CRYBG3: variants seen among roughly 807,000 people sequenced by gnomAD.
CRYBG3 encodes the protein very large A-kinase anchor protein.
Under a neutral mutation model 244.2 loss-of-function variants are expected in CRYBG3, and 127 were observed. The observed-to-expected ratio is 0.52, with a 90% confidence interval of 0.45 to 0.60. CRYBG3 has a LOEUF of 0.60. Ranked by LOEUF, CRYBG3 falls within the 20% of genes least tolerant of loss-of-function variation. CRYBG3 has a pLI of 0.00. For synonymous variants in CRYBG3, 1,132 were observed against 1,195.8 expected, an observed-to-expected ratio of 0.95 and a Z score of 1.10; for missense variants, 3,325 against 3,442.5, an observed-to-expected ratio of 0.97 and a Z score of 0.85.
At position 97,822,101 on chromosome 3, in the gene CRYBG3, C is replaced by A; in HGVS notation, c.-106C>A. 2.1e-6 allele frequency: 2 copies of A among 961,266 alleles called. No homozygotes were observed. The highest frequency in any genetic ancestry group is 2.8e-6 in the Non-Finnish European group (2 of 725,558). 59.5% of individuals were successfully genotyped at this position (961,266 alleles called of 1,614,324 possible). ...GCCGCGCTGGCAGCTCGCGTCGAGT[C>A]GGTCTGCCCTAGCCGCATCCCGCGG... On this transcript the variant is annotated 5_prime_UTR_variant, in exon 1 of 22. Transcript: ENST00000389622.
chr3:97,823,009 A>G (rs1302837744), intron 1 of CRYBG3, among the ~76,000 whole-genome samples: 1 of 152,190 alleles, frequency 6.6e-6, no homozygotes, highest in Non-Finnish European at 1.5e-5. Flanking sequence ...TCCTAGAAAC[A>G]TCTGCCTCAA....
intron 18 of CRYBG3, 152 bp from the exon 19 acceptor site, chr3:97,936,633 C>A: frequency 5.7e-6 from 4 of 697,308 alleles, no homozygotes; most frequent in Non-Finnish European, 9.1e-6. Context: ...TTCTCCTATA[C>A]CTCCCTGATT....
chr3:97,925,440 G>A (rs2040028957), intron 17 of CRYBG3, among the ~76,000 whole-genome samples: 2 of 152,024 alleles, frequency 1.3e-5, no homozygotes. Flanking sequence ...GAATAAGAAT[G>A]TCTGTTGCAG....
chr3:97,838,094 C>T (rs1335984838), intron 1 of CRYBG3, among the ~76,000 whole-genome samples: 1 of 152,120 alleles, frequency 6.6e-6, no homozygotes, highest in Non-Finnish European at 1.5e-5. Flanking sequence ...CCAGAAGCTT[C>T]CCTTGTGCTC....
chr3:97,923,691 G>T (rs940065715), intron 17 of CRYBG3, among the ~76,000 whole-genome samples: 8 of 152,100 alleles, frequency 5.3e-5, no homozygotes, highest in African/African-American at 1.9e-4. Flanking sequence ...TTTAAAAGTT[G>T]CAGAGTATAA....
chr3:97,832,726 A>G (rs1299275078), intron 1 of CRYBG3, among the ~76,000 whole-genome samples: 1 of 152,232 alleles, frequency 6.6e-6, no homozygotes, highest in Non-Finnish European at 1.5e-5. Flanking sequence ...AATGGGATCT[A>G]ATTAAACTAA....
At chr3:97,942,070 A>G (rs762169815) in intron 20 of CRYBG3, 14 of 354,176 alleles carry the variant, frequency 4.0e-5, no homozygotes, top group Non-Finnish European at 6.0e-5. Flanking sequence ...AAGTACCTCT[A>G]TTTCAGTTGG....
chr3:97,834,580 C>G (rs192774107), intron 1 of CRYBG3, among the ~76,000 whole-genome samples: 2 of 152,106 alleles, frequency 1.3e-5, no homozygotes, highest in Admixed American at 6.5e-5. Flanking sequence ...GATGTAAACT[C>G]TCTTGCCTTT....
chr3:97,871,778 G>T, intron 3 of CRYBG3, 64 bp from the exon 4 acceptor site: 1 of 1,166,650 alleles, frequency 8.6e-7, no homozygotes, highest in East Asian at 2.7e-5. Flanking sequence ...TACCACAGTT[G>T]CTGGGATTAG....
chr3:97,885,178 A>G (rs2039493535), intron 7 of CRYBG3, among the ~76,000 whole-genome samples: 1 of 152,166 alleles, frequency 6.6e-6, no homozygotes. Context: ...TTTAAAGGAT[A>G]TTTTAGATTA....
In CRYBG3 at chr3:97,877,392, T is replaced by C. The variant is rs1404141307; in HGVS notation, c.6198T>C (p.Ser2066=). 9.3e-6 allele frequency: 15 copies of C among 1,614,048 alleles called. No homozygotes were observed. Among genetic ancestry groups the C allele is most frequent in the Non-Finnish European group, 1.2e-5 (14 of 1,180,026 alleles). ...TKLGETFDSD[S]SEMFLSVEAK... is the part of the protein sequence containing the mutation. ...TAGGTGAGACATTTGATAGTGATAG[T>C]TCAGAAATGTTCTTATCAGTGGAGG... is the stretch of plus-strand genomic sequence containing the variant. Residue 2066 remains serine, a synonymous_variant, in exon 4 of 22, where the codon AGT becomes AGC. Transcript: ENST00000389622.
rs1018053982 is a variant in CRYBG3, at chr3:97,944,486, T to A, written c.*1172T>A. Reference sequence around the variant, plus strand: ...AAGATTAAATTCTCCAATGATATTTTAAAAAATATCAACCTACATGCACTT... The same window carrying A: ...AAGATTAAATTCTCCAATGATATTTAAAAAAATATCAACCTACATGCACTT... On this transcript the variant is annotated 3_prime_UTR_variant, in exon 22 of 22. Coordinates refer to ENST00000389622, the MANE Select transcript of CRYBG3 (RefSeq NM_153605.4). The A allele has an allele frequency of 6.6e-6, 1 of 152,420 alleles. No individual in the cohort carries two copies. The highest frequency in any genetic ancestry group is 1.5e-5 in the Non-Finnish European group (1 of 67,922). 9.4% of individuals were successfully genotyped at this position (152,420 alleles called of 1,614,324 possible).
At chr3:97,929,438 TA>T (rs1445594241) in intron 17 of CRYBG3, among the ~76,000 whole-genome samples, 1 of 151,958 alleles carries the variant, frequency 6.6e-6, no homozygotes, top group African/African-American at 2.4e-5. Context: ...TCCAAAAGAT[TA>T]TTAACCACCC....
At chr3:97,878,773 T>A (rs1179096153) in intron 4 of CRYBG3, among the ~76,000 whole-genome samples, 1 of 152,196 alleles carries the variant, frequency 6.6e-6, no homozygotes, top group Non-Finnish European at 1.5e-5. Flanking sequence ...ACTCATGTTG[T>A]TCATGCAACG....
intron 11 of CRYBG3, among the ~76,000 whole-genome samples, chr3:97,894,362 C>T (rs1356823712): frequency 8.2e-6 from 1 of 122,482 alleles, no homozygotes; most frequent in East Asian, 3.2e-4. Context: ...TTGTCTGTGA[C>T]ATCTGCAAGA....
At chr3:97,895,927 A>G in intron 11 of CRYBG3, 32 bp from the exon 12 acceptor site, 1 of 1,599,660 alleles carries the variant, frequency 6.3e-7, no homozygotes, top group Non-Finnish European at 8.5e-7. Context: ...AGTTTTATTA[A>G]TGGGTCATTT....
intron 15 of CRYBG3, among the ~76,000 whole-genome samples, chr3:97,909,261 G>A (rs1470579121): frequency 4.0e-4 from 58 of 145,196 alleles, no homozygotes; most frequent in Non-Finnish European, 5.3e-4. Flanking sequence ...TCTTTGTGGC[G>A]TTCTCTGTAT....
chr3:97,874,849 C>A lies in CRYBG3; in HGVS notation c.3655C>A (p.His1219Asn). The A allele has an allele frequency of 6.5e-7, 1 of 1,535,738 alleles. No homozygotes were observed. The highest frequency in any genetic ancestry group is 8.7e-7 in the Non-Finnish European group (1 of 1,146,746). Residue 1219 changes from histidine (H) to asparagine (N), a missense_variant, in exon 4 of 22, where the codon CAC (histidine) becomes AAC (asparagine). His to Asn is a moderately conservative substitution (Grantham distance 68, BLOSUM62 1). Around this residue, in one of 4 missense-constraint regions of CRYBG3, gnomAD observed 1,526 missense variants for 1,443.2 expected, o/e 1.06. Transcript: ENST00000389622. ...NSVREELKFKHTVSTCQEHIA... is the reference protein window; with the variant it reads ...NSVREELKFKNTVSTCQEHIA... ...TGTCAGGGAAGAACTAAAATTCAAA[C>A]ACACAGTGAGTACCTGCCAGGAGCA...
At chr3:97,932,153 GTTT>G (rs923906907) in intron 17 of CRYBG3, among the ~76,000 whole-genome samples, 4 of 151,824 alleles carry the variant, frequency 2.6e-5, no homozygotes, top group Non-Finnish European at 4.4e-5. Flanking sequence ...ATGGTTACCA[GTTT>G]TTTTTATTTT....
Sources: allele counts gnomAD v4.1 joint callset (sites outside exome capture counted in the v4.1 genomes callset), GRCh38; gene constraint gnomAD v4.1.1; regional missense constraint gnomAD v4.1.1; transcripts MANE v1.5; gene names NCBI Gene and HGNC (gene_info 2026-07-23, HGNC 2026-07-21).